The following ABRAXAS2 variants were observed in gnomAD, a reference collection of about 807,000 sequenced individuals.
ABRAXAS2 encodes BRISC complex subunit Abraxas 2.
ABRAXAS2 carries 23 observed loss-of-function variants against 49.0 expected under a neutral mutation model. That is an observed-to-expected ratio of 0.47 (90% CI 0.34 to 0.66). The LOEUF (loss-of-function observed/expected upper bound fraction) is 0.66, where lower values mean the gene tolerates loss of function less well. Among genes scored for constraint, ABRAXAS2 ranks in the 30% least tolerant of loss-of-function variants. The pLI, the probability that ABRAXAS2 is intolerant of heterozygous loss-of-function variation, is 0.01. For missense variants in ABRAXAS2, 443 were observed against 511.9 expected (o/e 0.87, Z 1.30); for synonymous variants, 168 against 180.2 (o/e 0.93, Z 0.54).
intron 2 of ABRAXAS2, among the ~76,000 whole-genome samples, chr10:124,808,391 C>T (rs752178521): frequency 1.6e-4 from 24 of 151,990 alleles, no homozygotes; most frequent in Admixed American, 2.6e-4. Flanking sequence ...TTAGCCAGGA[C>T]GGTCTTGATC....
chr10:124,821,398 C>G (rs1028761087), intron 4 of ABRAXAS2, among the ~76,000 whole-genome samples: 1 of 151,994 alleles, frequency 6.6e-6, no homozygotes, highest in African/African-American at 2.4e-5. Flanking sequence ...AACCCTGTCT[C>G]TACTAAAAAT....
At chr10:124,828,994 A>C in intron 6 of ABRAXAS2, 119 bp downstream of exon 6, 1 of 976,158 alleles carries the variant, frequency 1.0e-6, no homozygotes, top group East Asian at 2.6e-5. Flanking sequence ...AAAATTGAAG[A>C]ATACAGTAAG....
chr10:124,829,306 A>G, intron 6 of ABRAXAS2, 87 bp from the exon 7 acceptor site: 1 of 862,700 alleles, frequency 1.2e-6, no homozygotes, highest in South Asian at 1.5e-5. Flanking sequence ...CATTTAAACA[A>G]TAAAGTGGAA....
intron 1 of ABRAXAS2, among the ~76,000 whole-genome samples, chr10:124,802,162 T>A (rs890935694): frequency 2.0e-5 from 3 of 152,144 alleles, no homozygotes; most frequent in Non-Finnish European, 1.5e-5. Flanking sequence ...AGCAAAACTG[T>A]CCCACCTGGC....
chr10:124,824,545 A>AC (rs72030725), intron 4 of ABRAXAS2, among the ~76,000 whole-genome samples: 249 of 152,110 alleles, frequency 1.6e-3, no homozygotes, highest in African/African-American at 5.6e-3. Flanking sequence ...AAAAAAAAAA[A>AC]AAAACAAAAC....
At chr10:124,817,327 AG>A (rs1158379493) in intron 3 of ABRAXAS2, among the ~76,000 whole-genome samples, 4 of 152,188 alleles carry the variant, frequency 2.6e-5, no homozygotes, top group Non-Finnish European at 4.4e-5. Context: ...GAAAGGAGAA[AG>A]CATACAACAG....
At chr10:124,818,717 C>T (rs978629877) in intron 3 of ABRAXAS2, among the ~76,000 whole-genome samples, 8 of 152,130 alleles carry the variant, frequency 5.3e-5, no homozygotes, top group African/African-American at 9.7e-5. Flanking sequence ...AGGAGGCCCA[C>T]GCATCATTAT....
At chr10:124,808,758 C>T (rs560392439) in intron 2 of ABRAXAS2, among the ~76,000 whole-genome samples, 4 of 152,274 alleles carry the variant, frequency 2.6e-5, no homozygotes, top group Non-Finnish European at 4.4e-5. Context: ...ACGAGGTCTG[C>T]ATAAAACACA....
chr10:124,822,414 T>C (rs984333182), intron 4 of ABRAXAS2, among the ~76,000 whole-genome samples: 1 of 152,180 alleles, frequency 6.6e-6, no homozygotes, highest in Non-Finnish European at 1.5e-5. Flanking sequence ...GGTGCAGGTA[T>C]CTATTGATGA....
chr10:124,833,960 A>T (rs934416094), intron 8 of ABRAXAS2, among the ~76,000 whole-genome samples: 2 of 152,124 alleles, frequency 1.3e-5, no homozygotes, highest in Admixed American at 6.6e-5. Flanking sequence ...GTGTATTATT[A>T]TTTAAGGTGT....
In ABRAXAS2 at chr10:124,834,589, C is replaced by T; in HGVS notation, c.866C>T (p.Ala289Val). 6.2e-7 allele frequency: 1 copy of T among 1,614,168 alleles called. No individual in the cohort carries two copies. The highest frequency in any genetic ancestry group is 8.5e-7 in the Non-Finnish European group (1 of 1,180,036). Residue 289 changes from alanine to valine, a missense_variant, in exon 9 of 9, where the codon GCA becomes GTA. By Grantham distance (64) the Ala-to-Val change is moderately conservative (BLOSUM62 0). Transcript: ENST00000298492. Reference sequence around the variant, plus strand: ...CCTCGGATGCCGTCCTCTGGGTTTGCAGCTGAAGGCAGAAGTACACTTGGA... The same window carrying T: ...CCTCGGATGCCGTCCTCTGGGTTTGTAGCTGAAGGCAGAAGTACACTTGGA... Reference protein sequence around the residue: ...FSPRMPSSGFAAEGRSTLGDA... With the variant: ...FSPRMPSSGFVAEGRSTLGDA...
chr10:124,815,892 CTTTTTTTTTTTTTT>C (rs34730970), intron 2 of ABRAXAS2, among the ~76,000 whole-genome samples: 1 of 94,668 alleles, frequency 1.1e-5, no homozygotes, highest in Non-Finnish European at 2.0e-5. Flanking sequence ...GTCCTCGCAG[CTTTTTTTTTTTTTT>C]TTTTTTTTTA....
At chr10:124,819,267 A>T in intron 3 of ABRAXAS2, 117 bp from the exon 4 acceptor site, 1 of 749,464 alleles carries the variant, frequency 1.3e-6, no homozygotes, top group Non-Finnish European at 2.3e-6. Context: ...ACCTGTGTAA[A>T]CCTGTGTAAG....
intron 2 of ABRAXAS2, among the ~76,000 whole-genome samples, chr10:124,811,034 A>C (rs947603722): frequency 2.0e-5 from 3 of 147,550 alleles, no homozygotes. Context: ...CCTGGCTAAC[A>C]TGGTGAAACC....
chr10:124,818,189 G>A (rs1279797613), intron 3 of ABRAXAS2, among the ~76,000 whole-genome samples: 2 of 152,114 alleles, frequency 1.3e-5, no homozygotes, highest in Non-Finnish European at 2.9e-5. Context: ...GAGGTCAGGA[G>A]ATCGAGACCA....
At chr10:124,823,325 T>C (rs1419533060) in intron 4 of ABRAXAS2, among the ~76,000 whole-genome samples, 1 of 152,178 alleles carries the variant, frequency 6.6e-6, no homozygotes, top group Non-Finnish European at 1.5e-5. Context: ...ACAAGGTACA[T>C]GTAAAATGTT....
At chr10:124,810,392 T>G (rs565475403) in intron 2 of ABRAXAS2, among the ~76,000 whole-genome samples, 2 of 152,108 alleles carry the variant, frequency 1.3e-5, no homozygotes, top group South Asian at 4.2e-4. Context: ...CCAGGCGTGG[T>G]GTTGTGCTTC....
At chr10:124,803,776 C>T (rs1270934949) in intron 1 of ABRAXAS2, among the ~76,000 whole-genome samples, 1 of 152,196 alleles carries the variant, frequency 6.6e-6, no homozygotes, top group Non-Finnish European at 1.5e-5. Flanking sequence ...TGGCACATGC[C>T]TGTAATCCCA....
chr10:124,813,187 C>G, intron 2 of ABRAXAS2, among the ~76,000 whole-genome samples: 1 of 152,060 alleles, frequency 6.6e-6, no homozygotes. Flanking sequence ...GGCGACAAAG[C>G]GAGACTCCAT....
Sources: gnomAD v4.1 joint callset for allele counts (sites outside exome capture counted in the v4.1 genomes callset) on GRCh38, gnomAD v4.1.1 for gene constraint, MANE v1.5 for transcripts, NCBI Gene and HGNC (gene_info 2026-07-23, HGNC 2026-07-21) for gene names.